UBE2W: variants seen among roughly 807,000 people sequenced by gnomAD.
UBE2W encodes ubiquitin-conjugating enzyme E2 W.
Under a neutral mutation model 27.2 loss-of-function variants are expected in UBE2W, and 18 were observed. The observed-to-expected ratio is 0.66, with a 90% CI of 0.46 to 0.98. UBE2W has a LOEUF of 0.98. Among genes scored for constraint, UBE2W ranks in the 50% least tolerant of loss-of-function variants. UBE2W has a pLI of 0.00. For missense variants in UBE2W, 90 were observed against 180.2 expected (o/e 0.50, Z 2.87); for synonymous variants, 53 against 57.2 (o/e 0.93, Z 0.33).
At chr8:73,841,701 T>C (rs545271137) in intron 1 of UBE2W, among the ~76,000 whole-genome samples, 6 of 152,282 alleles carry the variant, frequency 3.9e-5, no homozygotes, top group Admixed American at 3.3e-4. Context: ...CCCCGGATAA[T>C]TACAGAGAAA....
Position 73,793,369 on chromosome 8 carries a change from T to C in UBE2W, c.*733A>G. The C allele has an allele frequency of 1.0e-6, 1 of 985,854 alleles. No individual in the cohort carries two copies. Among genetic ancestry groups the C allele is most frequent in the Non-Finnish European group, 1.2e-6 (1 of 829,910 alleles). The allele number at this position is 985,854 out of a possible 1,614,324, so 61.1% of individuals were successfully genotyped here. A position where few individuals can be genotyped will look rare whatever the true frequency, so the allele number is the denominator to read the frequency against. On this transcript the variant is annotated 3_prime_UTR_variant, in exon 6 of 6. Coordinates refer to ENST00000602593, the MANE Select transcript of UBE2W (RefSeq NM_018299.6). ...TACCCTATATTACTCATACCTTTAC[T>C]TCAGAGATTGAGGAACTATATACAA... is the stretch of plus-strand genomic sequence containing the variant.
chr8:73,865,085 G>A (rs1012671004), intron 1 of UBE2W, among the ~76,000 whole-genome samples: 2 of 146,790 alleles, frequency 1.4e-5, no homozygotes, highest in African/African-American at 5.1e-5. Flanking sequence ...AAATAATGTG[G>A]CACAAAATAG....
At chr8:73,861,055 T>C (rs1026852703) in intron 1 of UBE2W, among the ~76,000 whole-genome samples, 2 of 152,070 alleles carry the variant, frequency 1.3e-5, no homozygotes, top group Non-Finnish European at 2.9e-5. Flanking sequence ...AAGTTCAAGG[T>C]TACAGTTAAG....
Position 73,786,695 on chromosome 8 carries a change from A to G in UBE2W, c.*7407T>C, listed in dbSNP as rs1380001473. The G allele has an allele frequency of 5.1e-6, 5 of 985,350 alleles. No individual in the cohort carries two copies. Among genetic ancestry groups the G allele is most frequent in the East Asian group, 2.3e-4 (2 of 8,832 alleles). 61.0% of individuals were successfully genotyped at this position (985,350 alleles called of 1,614,324 possible). A position where few individuals can be genotyped will look rare whatever the true frequency, so the allele number is the denominator to read the frequency against. On this transcript the variant is annotated 3_prime_UTR_variant, in exon 6 of 6. Transcript: ENST00000602593. ...AAACAAGGTTTGTGGACAGCTGAAG[A>G]GCAGCCTAGGGACACCAAGGCCAGG...
intron 1 of UBE2W, among the ~76,000 whole-genome samples, chr8:73,853,054 A>G (rs546454969): frequency 1.3e-5 from 2 of 152,324 alleles, no homozygotes; most frequent in South Asian, 4.1e-4. Flanking sequence ...TAACTAGATC[A>G]TAAGGGTGGA....
In UBE2W at chr8:73,810,531, G is replaced by A. The variant is rs777857111; in HGVS notation, c.309C>T (p.Leu103=). The A allele has an allele frequency of 1.9e-6, 3 of 1,612,980 alleles. No individual in the cohort carries two copies. Among genetic ancestry groups the A allele is most frequent in the East Asian group, 4.5e-5 (2 of 44,726 alleles). ...TGCTAAGACAAACTGATTGGACTGAGAGCGCTGGGGACCAGTCTTCTGTTA... is the reference window on the plus strand; with the variant it reads ...TGCTAAGACAAACTGATTGGACTGAAAGCGCTGGGGACCAGTCTTCTGTTA... ...SILTEDWSPA[L]SVQSVCLSII... The change falls in exon 4 of 6, where the codon CTC becomes CTT. Residue 103 remains leucine (L), a synonymous_variant. Coordinates refer to ENST00000602593, the MANE Select transcript of UBE2W (RefSeq NM_018299.6).
intron 1 of UBE2W, chr8:73,870,350 T>G (rs1475011262): frequency 6.5e-7 from 1 of 1,537,666 alleles, no homozygotes; most frequent in Non-Finnish European, 8.8e-7. Context: ...ATAAAGGAAA[T>G]CTATTTTTTC....
chr8:73,853,116 T>G (rs1811146827), intron 1 of UBE2W, among the ~76,000 whole-genome samples: 2 of 152,184 alleles, frequency 1.3e-5, no homozygotes, highest in Non-Finnish European at 1.5e-5. Flanking sequence ...CTAATTTGCC[T>G]TGCTGCCATG....
At chr8:73,819,139 A>C (rs1183336346) in intron 3 of UBE2W, among the ~76,000 whole-genome samples, 1 of 151,812 alleles carries the variant, frequency 6.6e-6, no homozygotes, top group Non-Finnish European at 1.5e-5. Context: ...CATCTTTCAG[A>C]TCTCTCCTCC....
chr8:73,823,192 G>A (rs1254938388), intron 3 of UBE2W, among the ~76,000 whole-genome samples: 2 of 151,942 alleles, frequency 1.3e-5, no homozygotes, highest in Non-Finnish European at 2.9e-5. Flanking sequence ...ATAAAATCAG[G>A]GAAGGAGGAT....
intron 3 of UBE2W, among the ~76,000 whole-genome samples, chr8:73,823,566 A>G (rs1809709174): frequency 6.6e-6 from 1 of 152,222 alleles, no homozygotes; most frequent in African/African-American, 2.4e-5. Context: ...ACACATTTAC[A>G]GTCAGAAATG....
At chr8:73,872,694 T>C (rs1812049575) in intron 1 of UBE2W, among the ~76,000 whole-genome samples, 1 of 152,340 alleles carries the variant, frequency 6.6e-6, no homozygotes, top group South Asian at 2.1e-4. Context: ...GGTGTAATTA[T>C]GTAACTTTTC....
In UBE2W at chr8:73,786,773, G is replaced by C; in HGVS notation, c.*7329C>G. 1.0e-6 allele frequency: 1 copy of C among 985,394 alleles called. No individual in the cohort carries two copies. The highest frequency in any genetic ancestry group is 1.2e-6 in the Non-Finnish European group (1 of 829,900). 61.0% of individuals were successfully genotyped at this position (985,394 alleles called of 1,614,324 possible). Reference sequence around the variant, plus strand: ...CTGGAGAGAAGGTAGAAATCTCAGAGACATTTTAAAGTTACACTCAACAGG... The same window carrying C: ...CTGGAGAGAAGGTAGAAATCTCAGACACATTTTAAAGTTACACTCAACAGG... On this transcript the variant is annotated 3_prime_UTR_variant, in exon 6 of 6. Transcript: ENST00000602593.
chr8:73,817,232 G>A (rs1189879666), intron 3 of UBE2W, among the ~76,000 whole-genome samples: 7 of 152,106 alleles, frequency 4.6e-5, no homozygotes, highest in Admixed American at 3.3e-4. Flanking sequence ...GGAGGCTGAG[G>A]CAGGAGAATC....
chr8:73,870,423 A>T lies in UBE2W; in HGVS notation c.15+8385T>A. Reference sequence around the variant, plus strand: ...AAAAAAAGACAAAAGCATCTAGTAGAGCTAGCTTAAAATGGGAAACATAGC... The same window carrying T: ...AAAAAAAGACAAAAGCATCTAGTAGTGCTAGCTTAAAATGGGAAACATAGC... On this transcript the variant is annotated intron_variant, in intron 1 of 5. Transcript: ENST00000602593. 4 of 886,928 alleles carry T rather than the reference A, an allele frequency of 4.5e-6. No individual in the cohort carries two copies. The South Asian group carries it at 7.1e-5, about 16-fold the overall frequency. 54.9% of individuals were successfully genotyped at this position (886,928 alleles called of 1,614,324 possible).
chr8:73,835,688 G>A (rs891445496), intron 1 of UBE2W, among the ~76,000 whole-genome samples: 48 of 152,190 alleles, frequency 3.2e-4, no homozygotes, highest in African/African-American at 1.1e-3. Context: ...AGGTTGCAGT[G>A]AGTGAGATCA....
chr8:73,841,583 G>A (rs2130928241), intron 1 of UBE2W, among the ~76,000 whole-genome samples: 1 of 152,330 alleles, frequency 6.6e-6, no homozygotes, highest in South Asian at 2.1e-4. Flanking sequence ...TCCAAAAGAA[G>A]AGTGGTAAGA....
chr8:73,833,972 C>CACG (rs1407709190), intron 1 of UBE2W: 1 of 152,188 alleles, frequency 6.6e-6, no homozygotes, highest in African/African-American at 2.4e-5. Flanking sequence ...CGACATAGTG[C>CACG]ATGACAGCCC....
At chr8:73,846,425 T>C (rs1810802118) in intron 1 of UBE2W, among the ~76,000 whole-genome samples, 1 of 152,094 alleles carries the variant, frequency 6.6e-6, no homozygotes, top group Non-Finnish European at 1.5e-5. Context: ...AAAAAACTCT[T>C]TGGGGCAGAT....
Sources: gnomAD v4.1 joint callset for allele counts (sites outside exome capture counted in the v4.1 genomes callset) on GRCh38, gnomAD v4.1.1 for gene constraint, MANE v1.5 for transcripts, NCBI Gene and HGNC (gene_info 2026-07-23, HGNC 2026-07-21) for gene names.